The following MYO7A variants were observed in gnomAD, a reference collection of about 807,000 sequenced individuals.
The protein encoded by MYO7A is unconventional myosin-VIIa.
Under a neutral mutation model 263.8 loss-of-function variants are expected in MYO7A, and 210 were observed. That is an observed-to-expected ratio of 0.80 (90% CI 0.71 to 0.89). MYO7A has a LOEUF of 0.89. Ranked by LOEUF, MYO7A falls within the 40% of genes least tolerant of loss-of-function variation. MYO7A has a pLI of 0.00. For missense variants in MYO7A, 2,820 were observed against 2,968.3 expected, an observed-to-expected ratio of 0.95 and a Z score of 1.16; for synonymous variants, 1,239 against 1,197.3, an observed-to-expected ratio of 1.03 and a Z score of -0.72.
chr11:77,183,236 G>A (rs1370813076), intron 26 of MYO7A, 79 bp downstream of exon 26: 1 of 1,255,666 alleles, frequency 8.0e-7, no homozygotes, highest in Non-Finnish European at 1.1e-6. Flanking sequence ...GCTGAGCTGG[G>A]GGCCCACGGA....
At chr11:77,159,324 T>C in intron 9 of MYO7A, 123 bp from the exon 10 acceptor site, 1 of 787,138 alleles carries the variant, frequency 1.3e-6, no homozygotes, top group South Asian at 1.6e-5. Context: ...ACAATGCTGA[T>C]GCCCTCCCTG....
At chr11:77,159,363 G>A in intron 9 of MYO7A, 84 bp from the exon 10 acceptor site, 2 of 1,300,454 alleles carry the variant, frequency 1.5e-6, no homozygotes, top group Admixed American at 1.7e-5. Context: ...CAGCAGGAGT[G>A]GCAGCCTAGT....
rs781880600 is a variant in MYO7A, at chr11:77,162,104, C to T, written c.1344-16C>T. On this transcript the variant is annotated splice_polypyrimidine_tract_variant and intron_variant, in intron 12 of 48. Coordinates refer to ENST00000409709, the MANE Select transcript of MYO7A (RefSeq NM_000260.4). The stretch of plus-strand genomic sequence containing the variant: ...GGCCTGAACAACACCCTTACCCCAT[C>T]CCTGTGCCCCTGCAGCTTTGAGCAG... 121 of 1,584,802 alleles carry T rather than the reference C, an allele frequency of 7.6e-5. No homozygotes were observed. Among genetic ancestry groups the T allele is most frequent in the East Asian group, 5.3e-4 (23 of 43,638 alleles).
At chr11:77,182,739 C>T in intron 25 of MYO7A, 139 bp downstream of exon 25, 4 of 929,134 alleles carry the variant, frequency 4.3e-6, no homozygotes, top group Non-Finnish European at 6.4e-6. Context: ...CTGCCACCCT[C>T]CTTTGTCTAC....
chr11:77,214,930 T>C lies in MYO7A; in HGVS notation c.*234T>C, dbSNP rs1958056001. The C allele has an allele frequency of 8.4e-5, 43 of 508,916 alleles. No individual in the cohort carries two copies. In the South Asian group the frequency reaches 1.1e-3, roughly 14 times the overall value. 31.5% of individuals were successfully genotyped at this position (508,916 alleles called of 1,614,324 possible). On this transcript the variant is annotated 3_prime_UTR_variant, in exon 49 of 49. Transcript: ENST00000409709. Reference sequence around the variant, plus strand: ...TCTGGCACCTGGGTTGGTCTAATCCTAGTTTGCTGTGGCCTTCCCGGTTGT... The same window carrying C: ...TCTGGCACCTGGGTTGGTCTAATCCCAGTTTGCTGTGGCCTTCCCGGTTGT...
intron 2 of MYO7A, among the ~76,000 whole-genome samples, chr11:77,131,660 G>A (rs1950771005): frequency 6.6e-6 from 1 of 152,208 alleles, no homozygotes; most frequent in South Asian, 2.1e-4. Flanking sequence ...GGGCCTCTGA[G>A]GCAGGCCTCT....
chr11:77,141,070 G>C (rs1407435322), intron 2 of MYO7A, among the ~76,000 whole-genome samples: 3 of 152,218 alleles, frequency 2.0e-5, no homozygotes, highest in African/African-American at 7.2e-5. Context: ...CAGTACAGTA[G>C]CAGGTTGTAC....
intron 3 of MYO7A, 112 bp from the exon 4 acceptor site, chr11:77,147,685 AG>A: frequency 7.2e-7 from 1 of 1,388,116 alleles, no homozygotes; most frequent in Non-Finnish European, 9.9e-7. Flanking sequence ...AGAGAGGTCG[AG>A]GCCCTTACCC....
chr11:77,129,859 A>G (rs1019143786), intron 1 of MYO7A, among the ~76,000 whole-genome samples: 7 of 152,218 alleles, frequency 4.6e-5, no homozygotes, highest in Middle Eastern at 3.2e-3. Flanking sequence ...GTATTTCAGG[A>G]ACAGTGAGTC....
In MYO7A at chr11:77,176,686, C is replaced by T. The variant is rs370723952; in HGVS notation, c.2188-863C>T. On this transcript the variant is annotated intron_variant, in intron 18 of 48. Coordinates refer to ENST00000409709, the MANE Select transcript of MYO7A (RefSeq NM_000260.4). The stretch of plus-strand genomic sequence containing the variant: ...TGAGAGGCCAAACATGCTCATTCAT[C>T]CATTCATTCATTCAGAATGCCTCGG... 7.9e-5 allele frequency among the ~76,000 whole-genome samples: 12 copies of T among 152,290 alleles called. 1 individual carries two copies. Among genetic ancestry groups the T allele is most frequent in the African/African-American group, 2.9e-4 (12 of 41,564 alleles).
chr11:77,144,272 G>A (rs1426943541), intron 3 of MYO7A, among the ~76,000 whole-genome samples: 2 of 152,214 alleles, frequency 1.3e-5, no homozygotes, highest in African/African-American at 2.4e-5. Flanking sequence ...CTATGAGGGT[G>A]CAGCCACAGA....
In MYO7A at chr11:77,189,368, C is replaced by T; in HGVS notation, c.3528C>T (p.Ser1176=). The stretch of plus-strand genomic sequence containing the variant: ...GGGACGAGATCTACTGCCAGATCAG[C>T]AAGCAGCTGACCCACAACCCCTCCA... The part of the protein sequence containing the change: ...ALRDEIYCQI[S]KQLTHNPSKS... The change falls in exon 28 of 49, where the codon AGC becomes AGT. Residue 1176 remains serine (S), a synonymous_variant. Transcript: ENST00000409709. 1 of 1,613,708 alleles carries T rather than the reference C, an allele frequency of 6.2e-7. No individual in the cohort carries two copies. The highest frequency in any genetic ancestry group is 8.5e-7 in the Non-Finnish European group (1 of 1,179,870).
At position 77,192,137 on chromosome 11, in the gene MYO7A, G is replaced by A. The variant is rs1355941859; in HGVS notation, c.4011G>A (p.Glu1337=). 2 of 1,613,966 alleles carry A rather than the reference G, an allele frequency of 1.2e-6. No homozygotes were observed. The highest frequency in any genetic ancestry group is 1.7e-6 in the Non-Finnish European group (2 of 1,179,906). ...ACGCCAAGGAGCAGGGCGCCCAGGA[G>A]CGCAACGCCCCCTGGAGGCTCTTCT... The part of the protein sequence containing the change: ...EQYAKEQGAQ[E]RNAPWRLFFR... The change falls in exon 31 of 49, where the codon GAG becomes GAA. Residue 1337 remains glutamate (E), a synonymous_variant. Transcript: ENST00000409709.
In MYO7A at chr11:77,146,865, G is replaced by A. The variant is rs531318677; in HGVS notation, c.133-933G>A. 2.6e-5 allele frequency among the ~76,000 whole-genome samples: 4 copies of A among 152,214 alleles called. No homozygotes were observed. In the East Asian group the frequency reaches 7.7e-4, roughly 29 times the overall value. On this transcript the variant is annotated intron_variant, in intron 3 of 48. Coordinates refer to ENST00000409709, the MANE Select transcript of MYO7A (RefSeq NM_000260.4). ...TGCAAAGGTGCTGGAGACCCTCTGG[G>A]GGCGGGGAGGGCCCCAGGGCCCTGA...
Position 77,140,512 on chromosome 11 carries a change from C to A in MYO7A, c.19-2197C>A, listed in dbSNP as rs76915018. 3.7e-3 allele frequency among the ~76,000 whole-genome samples: 560 copies of A among 152,338 alleles called. 20 individuals are homozygous for A. The East Asian group carries it at 0.087, about 24-fold the overall frequency. On this transcript the variant is annotated intron_variant, in intron 2 of 48. Coordinates refer to ENST00000409709, the MANE Select transcript of MYO7A (RefSeq NM_000260.4). ...AGTCCCCTGGCCACATGCTGTTGCC[C>A]ACAAGCGAACACGCTCCCCACCCCT...
intron 3 of MYO7A, among the ~76,000 whole-genome samples, chr11:77,146,277 G>A (rs1485998481): frequency 6.6e-6 from 1 of 152,210 alleles, no homozygotes; most frequent in African/African-American, 2.4e-5. Context: ...TGTGTCTAGC[G>A]CATGCTGGCC....
chr11:77,196,095 G>A (rs914115305), intron 32 of MYO7A, among the ~76,000 whole-genome samples: 6 of 152,250 alleles, frequency 3.9e-5, no homozygotes, highest in Admixed American at 1.3e-4. Context: ...TGGGCCAGGC[G>A]CGGTGGCTCA....
At chr11:77,166,412 A>G (rs1383832169) in intron 15 of MYO7A, among the ~76,000 whole-genome samples, 5 of 152,230 alleles carry the variant, frequency 3.3e-5, no homozygotes, top group African/African-American at 9.6e-5. Context: ...GTCACAGAGC[A>G]GAACCGGTCA....
intron 41 of MYO7A, 96 bp from the exon 42 acceptor site, chr11:77,207,193 A>AG (rs1957495793): frequency 2.6e-6 from 2 of 770,948 alleles, no homozygotes; most frequent in African/African-American, 3.5e-5. Flanking sequence ...CTGGCACGGG[A>AG]GGGGGCTCAG....
Sources: gnomAD v4.1 joint callset for allele counts (sites outside exome capture counted in the v4.1 genomes callset) on GRCh38, gnomAD v4.1.1 for gene constraint, MANE v1.5 for transcripts, NCBI Gene and HGNC (gene_info 2026-07-23, HGNC 2026-07-21) for gene names.